GGT1: variants seen among roughly 807,000 people sequenced by gnomAD.
The protein encoded by GGT1 is gamma-glutamyltransferase 1, also known as glutathione hydrolase 1 proenzyme.
In GGT1, 21 loss-of-function variants were observed where a neutral mutation model predicts 56.0. The ratio of observed to expected loss-of-function variants is 0.38; its 90% CI spans 0.27 to 0.54. The LOEUF is 0.54. GGT1 is among the 20% of genes least tolerant of loss of function. The probability of loss-of-function intolerance (pLI) is 0.82; values close to 1 mark genes in which losing one functional copy is unlikely to be tolerated. For missense variants in GGT1, 466 were observed against 787.0 expected (o/e 0.59, Z 4.88); for synonymous variants, 238 against 342.6 (o/e 0.69, Z 3.37).
At position 24,612,520 on chromosome 22, in the gene GGT1, G is replaced by GTTGTT. The variant is rs576432624; in HGVS notation, c.164+1293_164+1297dup. 1.5e-3 allele frequency among the ~76,000 whole-genome samples: 201 copies of GTTGTT among 133,268 alleles called. 2 individuals carry two copies. In the East Asian group the frequency reaches 0.036, roughly 24 times the overall value. 87.4% of individuals were successfully genotyped at this position (133,268 alleles called of 152,430 possible). A position where few individuals can be genotyped will look rare whatever the true frequency, so the allele number is the denominator to read the frequency against. On this transcript the variant is annotated intron_variant, in intron 5 of 15. Transcript: ENST00000400382. ...CATGAAGGGCTTATTCTTTTTTGTTGTTGTTTTGTTTTGTTTTGTTTTTTG... is the reference window on the plus strand; with the variant it reads ...CATGAAGGGCTTATTCTTTTTTGTTGTTGTTTTGTTTTGTTTTGTTTTGTTTTTTG...
chr22:24,589,790 C>G, the GGT1 span: 2 of 1,593,062 alleles, frequency 1.3e-6, no homozygotes, highest in Non-Finnish European at 8.5e-7. Context: ...ACCACAGTGC[C>G]CAGCCCAGGG....
At chr22:24,608,533 C>T (rs1292363134) in intron 2 of GGT1, among the ~76,000 whole-genome samples, 3 of 152,244 alleles carry the variant, frequency 2.0e-5, no homozygotes, top group Non-Finnish European at 4.4e-5. Flanking sequence ...CTCAGCATGA[C>T]CCGGCCCAGT....
At chr22:24,585,880 G>C in the GGT1 span, 49 of 1,572,160 alleles carry the variant, frequency 3.1e-5, no homozygotes, top group Non-Finnish European at 4.0e-5. Context: ...CCAGGTGGGT[G>C]GTGGGTCACC....
intron 7 of GGT1, among the ~76,000 whole-genome samples, chr22:24,617,209 G>A (rs1447118010): frequency 6.6e-6 from 1 of 152,188 alleles, no homozygotes; most frequent in Non-Finnish European, 1.5e-5. Context: ...CAGAGATGGG[G>A]TCAGGGGAGT....
In GGT1 at chr22:24,628,587, C is replaced by A. The variant is rs1409795475; in HGVS notation, c.1564-106C>A. 42 of 1,532,102 alleles carry A rather than the reference C, an allele frequency of 2.7e-5. No individual in the cohort carries two copies. Among genetic ancestry groups the A allele is most frequent in the Middle Eastern group, 4.7e-4 (2 of 4,270 alleles). The allele number at this position is 1,532,102 out of a possible 1,614,324, so 94.9% of individuals were successfully genotyped here. A position where few individuals can be genotyped will look rare whatever the true frequency, so the allele number is the denominator to read the frequency against. ...GGCCCCAACCTGCTCTTCCTGATGA[C>A]CTGGCCCGAAATGGCACCACCTGGG... On this transcript the variant is annotated intron_variant, in intron 15 of 15. Coordinates refer to ENST00000400382, the MANE Select transcript of GGT1 (RefSeq NM_001288833.2). The surrounding 1 kb of genome is among the most constrained non-coding windows in gnomAD (Gnocchi z 5.7).
chr22:24,611,771 ATT>A (rs1314738132), intron 5 of GGT1, among the ~76,000 whole-genome samples: 1 of 122,176 alleles, frequency 8.2e-6, no homozygotes, highest in African/African-American at 3.2e-5. Context: ...CGCCCAACAA[ATT>A]TGTGTGTGTG....
chr22:24,621,215 C>T lies in GGT1; in HGVS notation c.733+145C>T, dbSNP rs1039314927. ...AGGGTCAGTGACTGGCCATGTGGGTCCACAGCTCCTGCTTATATCAAAACC... is the reference window on the plus strand; with the variant it reads ...AGGGTCAGTGACTGGCCATGTGGGTTCACAGCTCCTGCTTATATCAAAACC... On this transcript the variant is annotated intron_variant, in intron 9 of 15. Transcript: ENST00000400382. 6.9e-6 allele frequency: 10 copies of T among 1,447,094 alleles called. No individual in the cohort carries two copies. In the African/African-American group the frequency reaches 1.1e-4, roughly 17 times the overall value. 89.6% of individuals were successfully genotyped at this position (1,447,094 alleles called of 1,614,324 possible). A position where few individuals can be genotyped will look rare whatever the true frequency, so the allele number is the denominator to read the frequency against.
intron 2 of GGT1, 105 bp downstream of exon 2, chr22:24,608,128 G>T (rs147426597): frequency 2.6e-6 from 1 of 380,966 alleles, no homozygotes; most frequent in African/African-American, 2.2e-5. Context: ...CAGCTCTCAC[G>T]CTGTTTGGGT....
At chr22:24,605,570 A>G (rs868533083) in intron 1 of GGT1, among the ~76,000 whole-genome samples, 1 of 49,884 alleles carries the variant, frequency 2.0e-5, no homozygotes. Context: ...AATATTATAT[A>G]ATGTGTATTA....
chr22:24,605,155 T>C (rs2045998143), intron 1 of GGT1, among the ~76,000 whole-genome samples: 1 of 16,310 alleles, frequency 6.1e-5, no homozygotes, highest in Non-Finnish European at 1.2e-4. Flanking sequence ...TAATATGTAT[T>C]ATATTATATA....
chr22:24,593,064 C>T (rs1174472792), upstream of GGT1: 2 of 1,037,718 alleles, frequency 1.9e-6, no homozygotes, highest in Non-Finnish European at 2.3e-6. Context: ...GGTCGCCGAA[C>T]CCACAGGAGG....
chr22:24,605,408 A>G (rs1401276831), intron 1 of GGT1, among the ~76,000 whole-genome samples: 1 of 83,278 alleles, frequency 1.2e-5, no homozygotes, highest in Non-Finnish European at 2.0e-5. Flanking sequence ...ATTATATAAT[A>G]TTATATAATA....
intron 11 of GGT1, among the ~76,000 whole-genome samples, chr22:24,625,530 C>T (rs181127221): frequency 5.3e-5 from 8 of 151,702 alleles, no homozygotes; most frequent in Non-Finnish European, 1.0e-4. Context: ...CCTCCCAAAG[C>T]GCTGGGATTA....
rs1486664104 is a variant in GGT1, at chr22:24,628,994, G to A, written c.*155G>A. 4 of 953,782 alleles carry A rather than the reference G, an allele frequency of 4.2e-6. No homozygotes were observed. The African/African-American group carries it at 6.4e-5, about 15-fold the overall frequency. The allele number at this position is 953,782 out of a possible 1,614,324, so 59.1% of individuals were successfully genotyped here. On this transcript the variant is annotated 3_prime_UTR_variant, in exon 16 of 16. Coordinates refer to ENST00000400382, the MANE Select transcript of GGT1 (RefSeq NM_001288833.2). This position sits in a 1 kb window ranked among gnomAD's most constrained non-coding sequence, Gnocchi z 5.7. The stretch of plus-strand genomic sequence containing the variant: ...AGGCTCCAGGTGGCCTCCCTGGCCT[G>A]TCTCCCCACTCTCTGGGCCTCAGTG...
intron 5 of GGT1, among the ~76,000 whole-genome samples, chr22:24,612,738 G>T (rs1184310314): frequency 1.3e-5 from 2 of 152,080 alleles, no homozygotes; most frequent in East Asian, 1.9e-4. Flanking sequence ...TAATGGTCTG[G>T]CTGGTCTCAA....
At chr22:24,588,687 G>T in the GGT1 span, 1 of 1,103,828 alleles carries the variant, frequency 9.1e-7, no homozygotes, top group Non-Finnish European at 1.1e-6. Context: ...GCCACAGGGG[G>T]AGGAGGCCAG....
intron 5 of GGT1, among the ~76,000 whole-genome samples, chr22:24,611,824 C>G (rs1242385619): frequency 9.2e-6 from 1 of 108,926 alleles, no homozygotes; most frequent in Non-Finnish European, 2.0e-5. Flanking sequence ...TGTGTGTTTC[C>G]AAGACAGAGT....
upstream of GGT1, among the ~76,000 whole-genome samples, chr22:24,590,114 C>T (rs928669538): frequency 9.2e-5 from 14 of 152,106 alleles, no homozygotes; most frequent in African/African-American, 2.4e-4. Flanking sequence ...AGTCCAGTGG[C>T]GGGTGGCCCC....
chr22:24,627,382 T>TGGGG, intron 11 of GGT1, 50 bp from the exon 12 acceptor site: 109 of 580,362 alleles, frequency 1.9e-4, no homozygotes, highest in Non-Finnish European at 2.4e-4. Context: ...CTGTGCCCCC[T>TGGGG]CCCCACCCTC....
Sources: allele counts gnomAD v4.1 joint callset (sites outside exome capture counted in the v4.1 genomes callset), GRCh38; gene constraint gnomAD v4.1.1; non-coding constraint Gnocchi (gnomAD v3.1); transcripts MANE v1.5; gene names NCBI Gene and HGNC (gene_info 2026-07-23, HGNC 2026-07-21).